Variants in C4orf54 observed in about 807,000 individuals in gnomAD.
C4orf54 encodes uncharacterized protein C4orf54.
C4orf54 carries 67 observed loss-of-function variants against 80.1 expected under a neutral mutation model. The ratio of observed to expected loss-of-function variants is 0.84; its 90% confidence interval spans 0.69 to 1.03. The LOEUF (loss-of-function observed/expected upper bound fraction) is 1.03, where lower values mean the gene tolerates loss of function less well. Ranked by LOEUF, C4orf54 falls within the 50% of genes least tolerant of loss-of-function variation. The pLI is 0.00. For missense variants in C4orf54, 2,434 were observed against 2,253.5 expected (o/e 1.08, Z -1.62); for synonymous variants, 1,000 against 917.0 (o/e 1.09, Z -1.64).
chr4:99,649,867 G>C lies in C4orf54; in HGVS notation c.4782C>G (p.Pro1594=), dbSNP rs903105113. The change falls in exon 2 of 3, where the codon CCC becomes CCG. Residue 1594 remains proline, a synonymous_variant. Coordinates refer to ENST00000511828, the MANE Select transcript of C4orf54 (RefSeq NM_001354435.2). ...CCTGCTGGAAGGGGTCTGTGGGGAC[G>C]GGAGCTGAGGCTGCAGGTGCTGGGG... The part of the protein sequence containing the change: ...MPAPAPAASA[P]VPTDPFQQAQ... 9.1e-6 allele frequency: 14 copies of C among 1,531,898 alleles called. 1 individual carries two copies. The highest frequency in any genetic ancestry group is 1.4e-5 in the African/African-American group (1 of 73,056). The allele number at this position is 1,531,898 out of a possible 1,614,324, so 94.9% of individuals were successfully genotyped here.
Position 99,650,109 on chromosome 4 carries a change from G to T in C4orf54, c.4540C>A (p.Gln1514Lys). 3 of 1,535,974 alleles carry T rather than the reference G, an allele frequency of 2.0e-6. No homozygotes were observed. The highest frequency in any genetic ancestry group is 2.6e-6 in the Non-Finnish European group (3 of 1,146,868). ...CSLPPLSARS[Q>K]VPSSSKGSQV... is the part of the protein sequence containing the mutation. ...GAGCCTTTGGAGCTACTGGGGACCT[G>T]ACTGCGGGCACTCAGCGGGGGTAAA... The change falls in exon 2 of 3, where the codon CAG (glutamine) becomes AAG (lysine). Residue 1514 changes from glutamine (Q) to lysine (K), a missense_variant. By Grantham distance (53) the Gln-to-Lys change is moderately conservative. Coordinates refer to ENST00000511828, the MANE Select transcript of C4orf54 (RefSeq NM_001354435.2).
chr4:99,647,055 G>A (rs896861289), intron 2 of C4orf54, among the ~76,000 whole-genome samples: 1 of 151,942 alleles, frequency 6.6e-6, no homozygotes, highest in Non-Finnish European at 1.5e-5. Flanking sequence ...CTATCTTTAG[G>A]GCTTTATTTA....
In C4orf54 at chr4:99,652,995, T is replaced by C. The variant is rs887937219; in HGVS notation, c.1654A>G (p.Met552Val). ...IIYAAKHEGD[M>V]SLRVSTAAEH... ...GCAGCTGTAGAGACGCGGAGGCTCATGTCGCCTTCATGCTTGGCAGCATAA... is the reference window on the plus strand; with the variant it reads ...GCAGCTGTAGAGACGCGGAGGCTCACGTCGCCTTCATGCTTGGCAGCATAA... The change falls in exon 2 of 3, where the codon ATG (methionine) becomes GTG (valine). Residue 552 changes from methionine to valine, a missense_variant. Coordinates refer to ENST00000511828, the MANE Select transcript of C4orf54 (RefSeq NM_001354435.2). 2.6e-6 allele frequency: 4 copies of C among 1,536,170 alleles called. No homozygotes were observed. The highest frequency in any genetic ancestry group is 1.7e-4 in the Middle Eastern group (1 of 5,990).
chr4:99,650,605 G>A lies in C4orf54; in HGVS notation c.4044C>T (p.Ser1348=), dbSNP rs1244294549. 6 of 1,536,062 alleles carry A rather than the reference G, an allele frequency of 3.9e-6. No individual in the cohort carries two copies. The highest frequency in any genetic ancestry group is 5.2e-6 in the Non-Finnish European group (6 of 1,146,896). The part of the protein sequence containing the change: ...ERLQRRNSNP[S]AESVSARAAA... The stretch of plus-strand genomic sequence containing the variant: ...CTGCCCTGGCAGACACACTCTCAGC[G>A]CTGGGGTTGGAGTTTCTCCGCTGCA... Residue 1348 remains serine (S), a synonymous_variant, in exon 2 of 3, where the codon AGC becomes AGT. Transcript: ENST00000511828.
At chr4:99,646,604 C>T (rs1033309885) in intron 2 of C4orf54, among the ~76,000 whole-genome samples, 2 of 152,146 alleles carry the variant, frequency 1.3e-5, no homozygotes, top group Non-Finnish European at 2.9e-5. Context: ...TCTAAAGGTC[C>T]TGGTTCTCTC....
At chr4:99,648,045 T>C (rs1418501858) in intron 2 of C4orf54, among the ~76,000 whole-genome samples, 4 of 138,412 alleles carry the variant, frequency 2.9e-5, no homozygotes, top group Admixed American at 7.0e-5. Flanking sequence ...TCCATCTCTT[T>C]TTTTTTCTTT....
chr4:99,647,623 C>CT (rs11377181), intron 2 of C4orf54, among the ~76,000 whole-genome samples: 68,155 of 151,952 alleles, frequency 0.45, 17,092 homozygotes, highest in African/African-American at 0.65. Flanking sequence ...TAAAATGAGG[C>CT]TGTGCTTTCA....
intron 2 of C4orf54, among the ~76,000 whole-genome samples, chr4:99,648,050 T>C (rs567013719): frequency 1.4e-5 from 2 of 138,894 alleles, no homozygotes; most frequent in Admixed American, 7.0e-5. Context: ...CTCTTTTTTT[T>C]TCTTTTTTTT....
rs1448987238 is a variant in C4orf54 at position 99,651,105 on chromosome 4, C to T, written c.3544G>A (p.Val1182Ile). The T allele has an allele frequency of 6.5e-7, 1 of 1,536,138 alleles. No homozygotes were observed. The highest frequency in any genetic ancestry group is 8.7e-7 in the Non-Finnish European group (1 of 1,146,916). ...CCTTCTGGGGAGGAAGAATTCAAGA[C>T]TCTGCTGCCGCCCCCTTTGCCCATG... ...ESMGKGGGSR[V>I]LNSSSPEGTV... The change falls in exon 2 of 3, where the codon GTC (valine) becomes ATC (isoleucine). Residue 1182 changes from valine (V) to isoleucine (I), a missense_variant. By Grantham distance (29) the Val-to-Ile change is conservative. Transcript: ENST00000511828.
intron 1 of C4orf54, among the ~76,000 whole-genome samples, chr4:99,655,983 C>A (rs1726972227): frequency 1.3e-5 from 2 of 152,200 alleles, no homozygotes; most frequent in Non-Finnish European, 2.9e-5. Flanking sequence ...GAGCCCCTAA[C>A]AACTGAAGCA....
chr4:99,649,168 C>T lies in C4orf54; in HGVS notation c.*36+63G>A. On this transcript the variant is annotated intron_variant, in intron 2 of 2. Coordinates refer to ENST00000511828, the MANE Select transcript of C4orf54 (RefSeq NM_001354435.2). ...TTTATTGTAAATCTCTCACTTCAAA[C>T]ACAAACAAAAAAATATTGTTCTTAC... 3.6e-6 allele frequency: 5 copies of T among 1,394,026 alleles called. 1 individual carries two copies. In the South Asian group the frequency reaches 6.2e-5, roughly 17 times the overall value. The allele number at this position is 1,394,026 out of a possible 1,614,324, so 86.4% of individuals were successfully genotyped here.
At chr4:99,642,787 A>G (rs1726627819) in intron 2 of C4orf54, among the ~76,000 whole-genome samples, 1 of 152,234 alleles carries the variant, frequency 6.6e-6, no homozygotes, top group Admixed American at 6.5e-5. Flanking sequence ...TAGGACCAGA[A>G]CACATGACAG....
At position 99,649,345 on chromosome 4, in the gene C4orf54, C is replaced by T. The variant is rs183607945; in HGVS notation, c.5304G>A (p.Ser1768=). Residue 1768 remains serine (S), a synonymous_variant, in exon 2 of 3, where the codon TCG becomes TCA. Transcript: ENST00000511828. The stretch of plus-strand genomic sequence containing the variant: ...CAATGATCCGTGGCCCCAGGGGCTG[C>T]GAAGTAATGCTGATGACAGGCTTGC... ...LHGKPVISIT[S]QPLGPRIIAP... is the part of the protein sequence containing the mutation. 6.3e-4 allele frequency: 967 copies of T among 1,535,990 alleles called. No homozygotes were observed. The highest frequency in any genetic ancestry group is 7.9e-4 in the Non-Finnish European group (903 of 1,146,854).
rs540407386 is a variant in C4orf54, at chr4:99,649,371, C to T, written c.5278G>A (p.Gly1760Ser). The T allele has an allele frequency of 4.6e-6, 7 of 1,536,144 alleles. No individual in the cohort carries two copies. The South Asian group carries it at 7.1e-5, about 16-fold the overall frequency. The change falls in exon 2 of 3, where the codon GGC becomes AGC. Residue 1760 changes from glycine (G) to serine (S), a missense_variant. Physicochemically the swap from Gly to Ser is moderately conservative, Grantham distance 56. Transcript: ENST00000511828. ...LGAKAFAQLH[G>S]KPVISITSQP... ...GAAGTAATGCTGATGACAGGCTTGC[C>T]ATGCAGCTGGGCAAAGGCCTTGGCC...
chr4:99,655,940 C>T (rs1315778843), intron 1 of C4orf54, among the ~76,000 whole-genome samples: 1 of 152,166 alleles, frequency 6.6e-6, no homozygotes, highest in African/African-American at 2.4e-5. Context: ...ATGTTCTTTC[C>T]TCCGAATAGG....
rs140203207 is a variant in C4orf54 at position 99,642,442 on chromosome 4, G to A, written c.*37-1246C>T. Among the ~76,000 whole-genome samples, 723 of 152,272 alleles carry A rather than the reference G, an allele frequency of 4.7e-3. 8 individuals are homozygous for A. The highest frequency in any genetic ancestry group is 0.017 in the African/African-American group (691 of 41,532). ...TCGAGAGAGATTGCACTATAGGACG[G>A]TAATAGTCTGAGAAATGAAGGAGAA... On this transcript the variant is annotated intron_variant, in intron 2 of 2. Coordinates refer to ENST00000511828, the MANE Select transcript of C4orf54 (RefSeq NM_001354435.2).
Position 99,650,128 on chromosome 4 carries a change from G to T in C4orf54, c.4521C>A (p.Pro1507=), listed in dbSNP as rs552538491. The T allele has an allele frequency of 6.5e-6, 10 of 1,535,854 alleles. No homozygotes were observed. The South Asian group carries it at 8.3e-5, about 13-fold the overall frequency. Residue 1507 remains proline, a synonymous_variant, in exon 2 of 3, where the codon CCC becomes CCA. Coordinates refer to ENST00000511828, the MANE Select transcript of C4orf54 (RefSeq NM_001354435.2). ...GGACCTGACTGCGGGCACTCAGCGG[G>T]GGTAAACTACAGAGAGTGGCAGCTG... ...NSSAATLCSL[P]PLSARSQVPS...
rs1726542364 is a variant in C4orf54 at position 99,638,111 on chromosome 4, T to C, written c.*3122A>G. On this transcript the variant is annotated 3_prime_UTR_variant, in exon 3 of 3. Coordinates refer to ENST00000511828, the MANE Select transcript of C4orf54 (RefSeq NM_001354435.2). ...AGAAAAAGGAATTTATATCACCAGA[T>C]ATTTCCAGTGACATAAGGATGTATT... 1 of 152,182 alleles carries C rather than the reference T, an allele frequency of 6.6e-6. No homozygotes were observed. Among genetic ancestry groups the C allele is most frequent in the Non-Finnish European group, 1.5e-5 (1 of 67,994 alleles). The allele number at this position is 152,182 out of a possible 1,614,324, so 9.4% of individuals were successfully genotyped here.
Position 99,651,617 on chromosome 4 carries a change from T to A in C4orf54, c.3032A>T (p.Tyr1011Phe). The A allele has an allele frequency of 6.5e-7, 1 of 1,535,996 alleles. No homozygotes were observed. Among genetic ancestry groups the A allele is most frequent in the Non-Finnish European group, 8.7e-7 (1 of 1,146,884 alleles). Residue 1011 changes from tyrosine (Y) to phenylalanine (F), a missense_variant, in exon 2 of 3, where the codon TAC (tyrosine) becomes TTC (phenylalanine). Physicochemically the swap from Tyr to Phe is conservative, Grantham distance 22. Transcript: ENST00000511828. ...DKQPRKQATK[Y>F]PAAQATSTAV... ...TGTGGAGGTGGCCTGAGCAGCAGGG[T>A]ACTTGGTGGCCTGCTTCCTCGGCTG...
Sources: allele counts gnomAD v4.1 joint callset (sites outside exome capture counted in the v4.1 genomes callset), GRCh38; gene constraint gnomAD v4.1.1; transcripts MANE v1.5; gene names NCBI Gene and HGNC (gene_info 2026-07-23, HGNC 2026-07-21).